Variants in ONECUT2 observed in about 807,000 individuals in gnomAD.
The protein encoded by ONECUT2 is one cut homeobox 2, also known as one cut domain family member 2.
In ONECUT2, 10 loss-of-function variants were observed where a neutral mutation model predicts 27.9. The ratio of observed to expected loss-of-function variants is 0.36; its 90% confidence interval spans 0.22 to 0.61. The LOEUF is 0.61. ONECUT2 is among the 20% of genes least tolerant of loss of function. ONECUT2 has a pLI of 0.73. For synonymous variants in ONECUT2, 334 were observed against 315.1 expected (o/e 1.06, Z -0.64); for missense variants, 686 against 721.0 (o/e 0.95, Z 0.56).
At position 57,481,614 on chromosome 18, in the gene ONECUT2, T is replaced by C. The variant is rs74404615; in HGVS notation, c.*4891T>C. On this transcript the variant is annotated 3_prime_UTR_variant, in exon 2 of 2. Transcript: ENST00000491143. ...GGTATGGGGGAAACTTCCCCACTTTTGAAAATGTTGGTAGAATTATAGGAA... is the reference window on the plus strand; with the variant it reads ...GGTATGGGGGAAACTTCCCCACTTTCGAAAATGTTGGTAGAATTATAGGAA... The C allele has an allele frequency of 0.011, 1,727 of 152,330 alleles. 18 individuals are homozygous for C. The highest frequency in any genetic ancestry group is 0.042 in the Admixed American group (649 of 15,290). 9.4% of individuals were successfully genotyped at this position (152,330 alleles called of 1,614,324 possible). A position where few individuals can be genotyped will look rare whatever the true frequency, so the allele number is the denominator to read the frequency against.
Position 57,486,879 on chromosome 18 carries a change from TG to T in ONECUT2, c.*10157del. On this transcript the variant is annotated 3_prime_UTR_variant, in exon 2 of 2. Coordinates refer to ENST00000491143, the MANE Select transcript of ONECUT2 (RefSeq NM_004852.3). ...ACAATTAATTGTTCCGTGTTAACAG[TG>T]TAGTATTATGATTAGCAACTGCCAA... is the stretch of plus-strand genomic sequence containing the variant. The T allele has an allele frequency of 6.5e-6, 1 of 152,774 alleles. No homozygotes were observed. The highest frequency in any genetic ancestry group is 2.1e-4 in the South Asian group (1 of 4,830). 9.5% of individuals were successfully genotyped at this position (152,774 alleles called of 1,614,324 possible).
chr18:57,442,193 AT>A (rs11365976), intron 1 of ONECUT2, among the ~76,000 whole-genome samples: 14,955 of 151,114 alleles, frequency 0.099, 912 homozygotes, highest in South Asian at 0.17. Flanking sequence ...TGGAAAAAAA[AT>A]AAAAGATCAG....
chr18:57,437,081 G>T, intron 1 of ONECUT2, 137 bp downstream of exon 1: 2 of 1,408,864 alleles, frequency 1.4e-6, no homozygotes, highest in Non-Finnish European at 1.9e-6. Flanking sequence ...CTTTCTTCTC[G>T]TTTTTATTTC....
chr18:57,454,350 A>G (rs943834671), intron 1 of ONECUT2, among the ~76,000 whole-genome samples: 1 of 152,184 alleles, frequency 6.6e-6, no homozygotes, highest in African/African-American at 2.4e-5. Flanking sequence ...TGAGTCACCA[A>G]TGTTCCCATA....
At chr18:57,443,130 T>A (rs753565044) in intron 1 of ONECUT2, among the ~76,000 whole-genome samples, 12 of 152,142 alleles carry the variant, frequency 7.9e-5, no homozygotes, top group Admixed American at 2.0e-4. Context: ...GCAGAAACTG[T>A]CTTCATGAAA....
chr18:57,453,532 T>C (rs2050242278), intron 1 of ONECUT2, among the ~76,000 whole-genome samples: 1 of 152,304 alleles, frequency 6.6e-6, no homozygotes, highest in Non-Finnish European at 1.5e-5. Flanking sequence ...GTCCTACGAA[T>C]CAATACCCAG....
chr18:57,464,806 G>A (rs566397599), intron 1 of ONECUT2, among the ~76,000 whole-genome samples: 1 of 152,298 alleles, frequency 6.6e-6, no homozygotes, highest in African/African-American at 2.4e-5. Context: ...AGGGATATTC[G>A]TAGCCACATA....
chr18:57,449,012 G>A (rs548601755), intron 1 of ONECUT2, among the ~76,000 whole-genome samples: 1 of 152,186 alleles, frequency 6.6e-6, no homozygotes, highest in Non-Finnish European at 1.5e-5. Flanking sequence ...AGTGAATTCT[G>A]TATTCACTTT....
At position 57,436,240 on chromosome 18, in the gene ONECUT2, A is replaced by G. The variant is rs777199013; in HGVS notation, c.524A>G (p.His175Arg). The change falls in exon 1 of 2, where the codon CAT (histidine) becomes CGT (arginine). Residue 175 changes from histidine (H) to arginine (R), a missense_variant. By Grantham distance (29) the His-to-Arg change is conservative. Around this residue, in one of 4 missense-constraint regions of ONECUT2, gnomAD observed 511 missense variants for 488.1 expected, o/e 1.05. Transcript: ENST00000491143. The surrounding 1 kb of genome is among the most constrained non-coding windows in gnomAD (Gnocchi z 5.9). Reference sequence around the variant, plus strand: ...TTCCACCACCCTCACCCGCACCACCATCCGCACCACCACCACCACCACCAC... The same window carrying G: ...TTCCACCACCCTCACCCGCACCACCGTCCGCACCACCACCACCACCACCAC... The part of the protein sequence containing the change: ...DKFHHPHPHH[H>R]PHHHHHHHHQ... 5 of 1,603,040 alleles carry G rather than the reference A, an allele frequency of 3.1e-6. No homozygotes were observed. The highest frequency in any genetic ancestry group is 1.1e-5 in the South Asian group (1 of 90,356).
chr18:57,435,751 C>A lies in ONECUT2; in HGVS notation c.35C>A (p.Thr12Asn), dbSNP rs1427471557. The A allele has an allele frequency of 9.4e-6, 12 of 1,270,464 alleles. No homozygotes were observed. Among genetic ancestry groups the A allele is most frequent in the Non-Finnish European group, 1.2e-5 (12 of 973,748 alleles). 78.7% of individuals were successfully genotyped at this position (1,270,464 alleles called of 1,614,324 possible). The change falls in exon 1 of 2, where the codon ACC (threonine) becomes AAC (asparagine). Residue 12 changes from threonine (T) to asparagine (N), a missense_variant. By Grantham distance (65) the Thr-to-Asn change is moderately conservative (BLOSUM62 0). Coordinates refer to ENST00000491143, the MANE Select transcript of ONECUT2 (RefSeq NM_004852.3). ...GCCTACACCGCCTATCGATGCCTCA[C>A]CAAAGACCTAGAAGGCTGCGCCATG... is the stretch of plus-strand genomic sequence containing the variant. ...KAAYTAYRCL[T>N]KDLEGCAMNP...
chr18:57,451,142 G>A (rs568445187), intron 1 of ONECUT2, among the ~76,000 whole-genome samples: 2 of 152,284 alleles, frequency 1.3e-5, no homozygotes, highest in African/African-American at 4.8e-5. Context: ...ATTAGCTCGT[G>A]ATATTTCATC....
rs2050170384 is a variant in ONECUT2 at position 57,440,870 on chromosome 18, G to GGAT, written c.1228+3927_1228+3929dup. The stretch of plus-strand genomic sequence containing the variant: ...CCACCTCTCCTGGCGGTTTAGTTAG[G>GGAT]GATCAGAGCTGGAGAGGCTGAACGC... On this transcript the variant is annotated intron_variant, in intron 1 of 1. Coordinates refer to ENST00000491143, the MANE Select transcript of ONECUT2 (RefSeq NM_004852.3). Among the ~76,000 whole-genome samples, 3 of 152,356 alleles carry GGAT rather than the reference G, an allele frequency of 2.0e-5. 1 individual carries two copies. In the South Asian group the frequency reaches 6.2e-4, roughly 32 times the overall value.
rs2050420885 is a variant in ONECUT2 at position 57,482,487 on chromosome 18, G to C, written c.*5764G>C. On this transcript the variant is annotated 3_prime_UTR_variant, in exon 2 of 2. Transcript: ENST00000491143. ...CCAAGCTTTCCTTGGAGGTTTTGGA[G>C]TTAGGTTGATTGGAAGTAACCAGCT... 6.6e-6 allele frequency: 1 copy of C among 152,172 alleles called. No individual in the cohort carries two copies. The highest frequency in any genetic ancestry group is 2.1e-4 in the South Asian group (1 of 4,832). The allele number at this position is 152,172 out of a possible 1,614,324, so 9.4% of individuals were successfully genotyped here. A position where few individuals can be genotyped will look rare whatever the true frequency, so the allele number is the denominator to read the frequency against.
intron 1 of ONECUT2, among the ~76,000 whole-genome samples, chr18:57,437,725 G>A (rs1268751128): frequency 6.6e-6 from 1 of 152,238 alleles, no homozygotes; most frequent in Non-Finnish European, 1.5e-5. Flanking sequence ...GACTGAGGTG[G>A]AAAGCGCTTT....
chr18:57,436,657 G>T lies in ONECUT2; in HGVS notation c.941G>T (p.Arg314Leu). Reference sequence around the variant, plus strand: ...CCGGTGCTGGCACCCAGTCGCGAGCGGCCACCCTCGTCCTCATCGGGCTCG... The same window carrying T: ...CCGGTGCTGGCACCCAGTCGCGAGCTGCCACCCTCGTCCTCATCGGGCTCG... ...HGPVLAPSRE[R>L]PPSSSSGSQV... The change falls in exon 1 of 2, where the codon CGG becomes CTG. Residue 314 changes from arginine (R) to leucine (L), a missense_variant. Around this residue, in one of 4 missense-constraint regions of ONECUT2, gnomAD observed 511 missense variants for 488.1 expected, o/e 1.05. Transcript: ENST00000491143. This position sits in a 1 kb window ranked among gnomAD's most constrained non-coding sequence, Gnocchi z 5.9. 6.2e-7 allele frequency: 1 copy of T among 1,612,402 alleles called. No individual in the cohort carries two copies. The highest frequency in any genetic ancestry group is 8.5e-7 in the Non-Finnish European group (1 of 1,179,876).
chr18:57,449,265 T>G (rs2050216779), intron 1 of ONECUT2, among the ~76,000 whole-genome samples: 1 of 152,240 alleles, frequency 6.6e-6, no homozygotes, highest in African/African-American at 2.4e-5. Context: ...CCCATTAGAT[T>G]AAGATCCAGA....
intron 1 of ONECUT2, among the ~76,000 whole-genome samples, chr18:57,452,967 T>C (rs1384433357): frequency 3.9e-5 from 6 of 152,222 alleles, no homozygotes; most frequent in African/African-American, 1.4e-4. Flanking sequence ...GTTTGCGCAT[T>C]TATAACTTTA....
At position 57,456,150 on chromosome 18, in the gene ONECUT2, G is replaced by A. The variant is rs1401957958; in HGVS notation, c.1228+19206G>A. ...GTGCTGTTGGTGGGACTGTAAGATG[G>A]TGTAGCCACTGTGGAAATAGTATGG... On this transcript the variant is annotated intron_variant, in intron 1 of 1. Transcript: ENST00000491143. Among the ~76,000 whole-genome samples the A allele has an allele frequency of 2.0e-5, 3 of 152,338 alleles. No homozygotes were observed. The South Asian group carries it at 6.2e-4, about 32-fold the overall frequency.
At chr18:57,470,703 G>A (rs1267970114) in intron 1 of ONECUT2, among the ~76,000 whole-genome samples, 1 of 151,946 alleles carries the variant, frequency 6.6e-6, no homozygotes, top group East Asian at 1.9e-4. Context: ...GCGGTTCCAG[G>A]GTAATTCCCC....
Sources: gnomAD v4.1 joint callset for allele counts (sites outside exome capture counted in the v4.1 genomes callset) on GRCh38, gnomAD v4.1.1 for gene constraint, gnomAD v4.1.1 regional missense constraint, Gnocchi (gnomAD v3.1) non-coding constraint, MANE v1.5 for transcripts, NCBI Gene and HGNC (gene_info 2026-07-23, HGNC 2026-07-21) for gene names.